Variants in ZMYND8 observed in about 807,000 individuals in gnomAD.
ZMYND8 encodes the protein MYND-type zinc finger-containing chromatin reader ZMYND8.
Under a neutral mutation model 140.8 loss-of-function variants are expected in ZMYND8, and 37 were observed. The observed-to-expected ratio is 0.26, with a 90% CI of 0.20 to 0.35. The LOEUF is 0.35. ZMYND8 is among the 10% of genes least tolerant of loss of function. The pLI is 1.00. For missense variants in ZMYND8, 1,068 were observed against 1,570.0 expected (o/e 0.68, Z 5.40); for synonymous variants, 592 against 597.1 (o/e 0.99, Z 0.12).
chr20:47,232,059 A>T (rs1170958508), intron 16 of ZMYND8, among the ~76,000 whole-genome samples: 1 of 152,172 alleles, frequency 6.6e-6, no homozygotes, highest in African/African-American at 2.4e-5. Flanking sequence ...TTTAACTTCA[A>T]AGAAAACACT....
intron 10 of ZMYND8, among the ~76,000 whole-genome samples, chr20:47,279,860 C>A (rs372784857): frequency 2.6e-5 from 4 of 151,878 alleles, no homozygotes; most frequent in Non-Finnish European, 4.4e-5. Context: ...CAGTGGCTTA[C>A]GCCTGTAATC....
At chr20:47,235,688 C>T (rs1601096074) in intron 16 of ZMYND8, among the ~76,000 whole-genome samples, 1 of 146,656 alleles carries the variant, frequency 6.8e-6, no homozygotes, top group African/African-American at 2.6e-5. Context: ...GCCTGGGGAA[C>T]AGAGTGAGAC....
chr20:47,239,940 T>G (rs1175162409), intron 14 of ZMYND8, among the ~76,000 whole-genome samples: 1 of 152,184 alleles, frequency 6.6e-6, no homozygotes, highest in African/African-American at 2.4e-5. Flanking sequence ...GGAAATTTTT[T>G]TACTAAAAAA....
At chr20:47,263,764 C>T (rs2075313618) in intron 11 of ZMYND8, among the ~76,000 whole-genome samples, 1 of 152,180 alleles carries the variant, frequency 6.6e-6, no homozygotes, top group African/African-American at 2.4e-5. Context: ...TACAAAGGGA[C>T]AATAACAGTA....
At chr20:47,215,565 G>C (rs1165871993) in intron 21 of ZMYND8, among the ~76,000 whole-genome samples, 1 of 151,400 alleles carries the variant, frequency 6.6e-6, no homozygotes, top group Non-Finnish European at 1.5e-5. Context: ...GAGTGCAGTG[G>C]CTATTCACAG....
At chr20:47,219,121 G>C (rs547814641) in intron 21 of ZMYND8, among the ~76,000 whole-genome samples, 2 of 144,548 alleles carry the variant, frequency 1.4e-5, no homozygotes, top group Admixed American at 1.4e-4. Flanking sequence ...GCAGTGGCAC[G>C]ATCTCGACTC....
intron 17 of ZMYND8, 113 bp downstream of exon 17, chr20:47,229,613 T>C: frequency 2.1e-6 from 2 of 949,294 alleles, no homozygotes; most frequent in Non-Finnish European, 3.3e-6. Context: ...GCCAGCTTAG[T>C]GACCAAGCCA....
intron 1 of ZMYND8, chr20:47,355,635 T>C (rs575711170): frequency 2.7e-4 from 88 of 327,256 alleles, no homozygotes; most frequent in African/African-American, 1.9e-3. Context: ...GCCACAGACA[T>C]GATTTTATTT....
intron 6 of ZMYND8, among the ~76,000 whole-genome samples, chr20:47,290,567 A>G (rs6066268): frequency 0.56 from 81,689 of 145,606 alleles, 23,098 homozygotes; most frequent in Middle Eastern, 0.63. Flanking sequence ...AATAAACAGG[A>G]TAGTTTATTT....
chr20:47,215,289 C>A (rs892383738), intron 21 of ZMYND8, among the ~76,000 whole-genome samples: 2 of 152,138 alleles, frequency 1.3e-5, no homozygotes, highest in Non-Finnish European at 2.9e-5. Context: ...AGGAGAATCA[C>A]TTGAACCTGG....
chr20:47,211,034 G>A, intron 22 of ZMYND8, 137 bp from the exon 23 acceptor site: 1 of 1,193,350 alleles, frequency 8.4e-7, no homozygotes, highest in African/African-American at 1.5e-5. Flanking sequence ...TGCCACCGCT[G>A]ACTGCCCTGC....
intron 11 of ZMYND8, among the ~76,000 whole-genome samples, chr20:47,267,384 T>TG (rs1452160563): frequency 1.3e-5 from 2 of 151,902 alleles, no homozygotes; most frequent in African/African-American, 4.8e-5. Flanking sequence ...TAAATGCCAC[T>TG]GATCTGTTCA....
At position 47,238,361 on chromosome 20, in the gene ZMYND8, T is replaced by TATATACATACAGATATGTATATATAC. The variant is rs2039506270; in HGVS notation, c.2665+371_2665+396dup. 17 of 225,076 alleles carry TATATACATACAGATATGTATATATAC rather than the reference T, an allele frequency of 7.6e-5. No individual in the cohort carries two copies. In the South Asian group the frequency reaches 1.1e-3, roughly 15 times the overall value. The allele number at this position is 225,076 out of a possible 1,614,324, so 13.9% of individuals were successfully genotyped here. On this transcript the variant is annotated intron_variant, in intron 15 of 22. Coordinates refer to ENST00000471951, the MANE Select transcript of ZMYND8 (RefSeq NM_001281775.3). ...TGGCATCATATACATGATGCGCACA[T>TATATACATACAGATATGTATATATAC]ATATACATACAGATATGTATATATA...
Position 47,239,012 on chromosome 20 carries a change from G to A in ZMYND8, c.2411C>T (p.Thr804Met), listed in dbSNP as rs369116353. The change falls in exon 15 of 23, where the codon ACG becomes ATG. Residue 804 changes from threonine to methionine, a missense_variant. Around this residue, in one of 10 missense-constraint regions of ZMYND8, gnomAD observed 383 missense variants for 431.2 expected, o/e 0.89. Coordinates refer to ENST00000471951, the MANE Select transcript of ZMYND8 (RefSeq NM_001281775.3). The part of the protein sequence containing the change: ...GATATTSTSS[T>M]VTVTAPAPAA... ...GGGGGCCGGGGCCGTGACGGTGACC[G>A]TGGAGGACGTGCTGGTGGTGGCTGT... is the stretch of plus-strand genomic sequence containing the variant. 6.2e-6 allele frequency: 10 copies of A among 1,602,260 alleles called. No individual in the cohort carries two copies. Among genetic ancestry groups the A allele is most frequent in the East Asian group, 2.2e-5 (1 of 44,672 alleles).
chr20:47,351,871 T>G, intron 1 of ZMYND8: 1 of 985,384 alleles, frequency 1.0e-6, no homozygotes, highest in Non-Finnish European at 1.2e-6. Context: ...AAAGCCACCT[T>G]CCTAAATACC....
At chr20:47,315,724 C>T (rs992208346) in intron 2 of ZMYND8, among the ~76,000 whole-genome samples, 4 of 152,164 alleles carry the variant, frequency 2.6e-5, no homozygotes, top group African/African-American at 9.7e-5. Flanking sequence ...TGAACAATGA[C>T]AAACAGCCAC....
chr20:47,227,022 C>T (rs1282831293), intron 18 of ZMYND8, among the ~76,000 whole-genome samples, 181 bp downstream of exon 18: 1 of 152,174 alleles, frequency 6.6e-6, no homozygotes. Flanking sequence ...GGGCTCCCGC[C>T]AACACCCACT....
intron 2 of ZMYND8, among the ~76,000 whole-genome samples, chr20:47,345,863 GC>G (rs2148582207): frequency 6.6e-6 from 1 of 151,344 alleles, no homozygotes; most frequent in Non-Finnish European, 1.5e-5. Flanking sequence ...TCGTTAAGTT[GC>G]CCAGGCTGGT....
chr20:47,276,458 A>T lies in ZMYND8; in HGVS notation c.1336T>A (p.Leu446Met). Residue 446 changes from leucine to methionine, a missense_variant, in exon 11 of 23, where the codon TTG becomes ATG. Physicochemically the swap from Leu to Met is conservative, Grantham distance 15. Around this residue, in one of 10 missense-constraint regions of ZMYND8, gnomAD observed 173 missense variants for 223.3 expected, o/e 0.77. Coordinates refer to ENST00000471951, the MANE Select transcript of ZMYND8 (RefSeq NM_001281775.3). ...LSGGTGRRISLSDMPRSPMST... is the reference protein window; with the variant it reads ...LSGGTGRRISMSDMPRSPMST... Reference sequence around the variant, plus strand: ...ATGGGGGAGCGCGGCATATCCGACAAGGAAATCCGGCGGCCTGTGCCCCCA... The same window carrying T: ...ATGGGGGAGCGCGGCATATCCGACATGGAAATCCGGCGGCCTGTGCCCCCA... 1 of 1,613,892 alleles carries T rather than the reference A, an allele frequency of 6.2e-7. No homozygotes were observed. Among genetic ancestry groups the T allele is most frequent in the Non-Finnish European group, 8.5e-7 (1 of 1,179,984 alleles).
Sources: gnomAD v4.1 joint callset for allele counts (sites outside exome capture counted in the v4.1 genomes callset) on GRCh38, gnomAD v4.1.1 for gene constraint, gnomAD v4.1.1 regional missense constraint, MANE v1.5 for transcripts, NCBI Gene and HGNC (gene_info 2026-07-23, HGNC 2026-07-21) for gene names.